The following LTBP2 variants were observed in gnomAD, a reference collection of about 807,000 sequenced individuals.
LTBP2 encodes the protein latent-transforming growth factor beta-binding protein 2.
In LTBP2, 103 loss-of-function variants were observed where a neutral mutation model predicts 210.6. That is an observed-to-expected ratio of 0.49 (90% CI 0.42 to 0.58). LTBP2 has a LOEUF of 0.58. Ranked by LOEUF, LTBP2 falls within the 20% of genes least tolerant of loss-of-function variation. The probability of loss-of-function intolerance (pLI) is 0.00; values close to 1 mark genes in which losing one functional copy is unlikely to be tolerated. For missense variants in LTBP2, 2,313 were observed against 2,494.5 expected, an observed-to-expected ratio of 0.93 and a Z score of 1.55; for synonymous variants, 1,007 against 1,015.0, an observed-to-expected ratio of 0.99 and a Z score of 0.15.
chr14:74,566,016 A>ACTTCAT (rs2087897501), intron 3 of LTBP2, among the ~76,000 whole-genome samples: 2 of 152,142 alleles, frequency 1.3e-5, no homozygotes, highest in Non-Finnish European at 2.9e-5. Flanking sequence ...AGCCTATCAT[A>ACTTCAT]CTTCATCCCA....
intron 8 of LTBP2, among the ~76,000 whole-genome samples, chr14:74,537,800 G>T (rs946505329): frequency 6.6e-6 from 1 of 152,086 alleles, no homozygotes; most frequent in Admixed American, 6.6e-5. Flanking sequence ...TGTCGCACAG[G>T]CTGGAATGCA....
chr14:74,547,369 G>C (rs2087590851), intron 8 of LTBP2, among the ~76,000 whole-genome samples: 1 of 152,134 alleles, frequency 6.6e-6, no homozygotes, highest in Non-Finnish European at 1.5e-5. Context: ...GACACCTTAA[G>C]GCCTGAAGAC....
chr14:74,582,012 G>A (rs976476781), intron 3 of LTBP2, among the ~76,000 whole-genome samples: 1 of 150,978 alleles, frequency 6.6e-6, no homozygotes, highest in Non-Finnish European at 1.5e-5. Context: ...GCCTGCCTAG[G>A]GTTGTTGTTT....
chr14:74,608,723 A>G (rs1028219518), intron 1 of LTBP2, among the ~76,000 whole-genome samples: 1 of 140,590 alleles, frequency 7.1e-6, no homozygotes, highest in Non-Finnish European at 1.5e-5. Context: ...AAGAAAAAAA[A>G]AAAAAGAAAA....
At chr14:74,593,441 G>T (rs1328506590) in intron 2 of LTBP2, among the ~76,000 whole-genome samples, 1 of 152,186 alleles carries the variant, frequency 6.6e-6, no homozygotes, top group African/African-American at 2.4e-5. Flanking sequence ...GTCTCCACCA[G>T]TGTGCCAGTG....
At position 74,603,622 on chromosome 14, in the gene LTBP2, T is replaced by C. The variant is rs577854458; in HGVS notation, c.565+13A>G. ...GATAGAGCGGAGTGTCTGCTACTGG[T>C]GGAGGCACTCACGTTTGATACAGTG... is the stretch of plus-strand genomic sequence containing the variant. On this transcript the variant is annotated intron_variant, in intron 2 of 35. Transcript: ENST00000261978. The C allele has an allele frequency of 1.9e-6, 3 of 1,613,790 alleles. No homozygotes were observed. Among genetic ancestry groups the C allele is most frequent in the African/African-American group, 2.7e-5 (2 of 75,032 alleles).
At chr14:74,515,055 A>G (rs1444885354) in intron 18 of LTBP2, among the ~76,000 whole-genome samples, 1 of 151,962 alleles carries the variant, frequency 6.6e-6, no homozygotes, top group Non-Finnish European at 1.5e-5. Flanking sequence ...TGACAGTAAC[A>G]TTTCCCTCTA....
At chr14:74,528,067 C>G (rs1234358060) in intron 12 of LTBP2, among the ~76,000 whole-genome samples, 2 of 152,224 alleles carry the variant, frequency 1.3e-5, no homozygotes, top group Non-Finnish European at 2.9e-5. Flanking sequence ...GGCCGTTGAG[C>G]TGGAGTTAGC....
rs191782359 is a variant in LTBP2 at position 74,561,512 on chromosome 14, T to C, written c.831-5819A>G. On this transcript the variant is annotated intron_variant, in intron 3 of 35. Coordinates refer to ENST00000261978, the MANE Select transcript of LTBP2 (RefSeq NM_000428.3). ...CTCTCTTCCCCTACAGATGTTTATA[T>C]AAGCATAGGAAAAGGCCGGAAGATC... Among the ~76,000 whole-genome samples, 152 of 152,320 alleles carry C rather than the reference T, an allele frequency of 1.0e-3. 1 individual carries two copies. The highest frequency in any genetic ancestry group is 3.5e-3 in the African/African-American group (147 of 41,572).
intron 8 of LTBP2, among the ~76,000 whole-genome samples, chr14:74,548,235 T>C (rs1268419957): frequency 6.6e-6 from 1 of 150,822 alleles, no homozygotes; most frequent in Non-Finnish European, 1.5e-5. Flanking sequence ...CTTGAACAAA[T>C]GGAAGGGCAG....
At position 74,502,905 on chromosome 14, in the gene LTBP2, G is replaced by A. The variant is rs760591150; in HGVS notation, c.4918C>T (p.Arg1640Cys). 4.3e-6 allele frequency: 7 copies of A among 1,612,646 alleles called. No individual in the cohort carries two copies. The highest frequency in any genetic ancestry group is 3.3e-5 in the South Asian group (3 of 91,032). Residue 1640 changes from arginine to cysteine, a missense_variant, in exon 34 of 36, where the codon CGC becomes TGC. Coordinates refer to ENST00000261978, the MANE Select transcript of LTBP2 (RefSeq NM_000428.3). ...CCGGCCTCCCGCTCTGCCTCAATGC[G>A]AGCCACGTTGCACAGCTGAGCATAG... ...EVYAQLCNVARIEAEREAGVH... is the reference protein window; with the variant it reads ...EVYAQLCNVACIEAEREAGVH...
Position 74,522,857 on chromosome 14 carries a change from G to T in LTBP2, c.2592C>A (p.Leu864=), listed in dbSNP as rs141836936. 1 of 1,612,850 alleles carries T rather than the reference G, an allele frequency of 6.2e-7. No homozygotes were observed. Among genetic ancestry groups the T allele is most frequent in the African/African-American group, 1.3e-5 (1 of 74,934 alleles). ...TGCAGACACATCTGTATCCATCGGG[G>T]AGGTTCACGCAGGTTCCAGGGCCAC... is the stretch of plus-strand genomic sequence containing the variant. The part of the protein sequence containing the change: ...NVCGPGTCVN[L]PDGYRCVCSP... The change falls in exon 16 of 36, where the codon CTC becomes CTA. Residue 864 remains leucine, a synonymous_variant. Transcript: ENST00000261978.
At chr14:74,570,556 G>C (rs1482645115) in intron 3 of LTBP2, among the ~76,000 whole-genome samples, 1 of 152,214 alleles carries the variant, frequency 6.6e-6, no homozygotes, top group Non-Finnish European at 1.5e-5. Context: ...CCCCAACCTG[G>C]AAAGCTTCCA....
At chr14:74,508,222 T>A (rs551881366) in intron 24 of LTBP2, 127 bp from the exon 25 acceptor site, 89 of 1,222,226 alleles carry the variant, frequency 7.3e-5, no homozygotes, top group Non-Finnish European at 9.8e-5. Flanking sequence ...AGGAAAAGGC[T>A]CGAAGCCAGA....
Position 74,516,915 on chromosome 14 carries a change from C to A in LTBP2, c.2815G>T (p.Val939Leu), listed in dbSNP as rs1182102912. Residue 939 changes from valine (V) to leucine (L), a missense_variant, in exon 18 of 36, where the codon GTG (valine) becomes TTG (leucine). Physicochemically the swap from Val to Leu is conservative, Grantham distance 32 (BLOSUM62 1). Transcript: ENST00000261978. ...QDINECEQPG[V>L]CSGGQCTNTE... ...TTGGTGCACTGCCCCCCGCTGCACA[C>A]CCCTGGCTGCTCACACTCATTGATA... 6 of 1,551,814 alleles carry A rather than the reference C, an allele frequency of 3.9e-6. No individual in the cohort carries two copies. The highest frequency in any genetic ancestry group is 1.4e-5 in the African/African-American group (1 of 73,066).
intron 16 of LTBP2, 134 bp from the exon 17 acceptor site, chr14:74,522,173 G>C (rs2087213627): frequency 9.4e-7 from 1 of 1,060,646 alleles, no homozygotes; most frequent in African/African-American, 1.6e-5. Flanking sequence ...TGAGGGAGTG[G>C]AGGAGGCTGA....
chr14:74,549,468 G>A (rs2087620289), intron 8 of LTBP2, among the ~76,000 whole-genome samples: 1 of 152,216 alleles, frequency 6.6e-6, no homozygotes, highest in African/African-American at 2.4e-5. Context: ...CAGGAGGTAA[G>A]GAGATAAAGA....
Position 74,503,937 on chromosome 14 carries a change from T to G in LTBP2, c.4571A>C (p.Lys1524Thr), listed in dbSNP as rs1208947828. ...ATGTGTGTCCTTACCCTCACACTTC[T>G]TGTGGGAAGCATCGTAGTGGAAGCC... ...NPGFHYDASH[K>T]KCEDHDECQD... The change falls in exon 31 of 36, where the codon AAG becomes ACG. Residue 1524 changes from lysine to threonine, a missense_variant. By Grantham distance (78) the Lys-to-Thr change is moderately conservative (BLOSUM62 -1). Coordinates refer to ENST00000261978, the MANE Select transcript of LTBP2 (RefSeq NM_000428.3). The G allele has an allele frequency of 1.2e-6, 2 of 1,614,122 alleles. No homozygotes were observed. Among genetic ancestry groups the G allele is most frequent in the Non-Finnish European group, 1.7e-6 (2 of 1,180,004 alleles).
At chr14:74,541,695 G>A (rs2087510494) in intron 8 of LTBP2, among the ~76,000 whole-genome samples, 1 of 151,644 alleles carries the variant, frequency 6.6e-6, no homozygotes, top group East Asian at 1.9e-4. Context: ...CTGCCCAGTA[G>A]AAAACCTAGC....
Sources: allele counts gnomAD v4.1 joint callset (sites outside exome capture counted in the v4.1 genomes callset), GRCh38; gene constraint gnomAD v4.1.1; transcripts MANE v1.5; gene names NCBI Gene and HGNC (gene_info 2026-07-23, HGNC 2026-07-21).